RBFOX1: variants seen among roughly 807,000 people sequenced by gnomAD.
RBFOX1 encodes the protein RNA binding protein fox-1 homolog 1.
Under a neutral mutation model 57.7 loss-of-function variants are expected in RBFOX1, and 8 were observed. That is an observed-to-expected ratio of 0.14 (90% confidence interval 0.08 to 0.25). The LOEUF is 0.25. RBFOX1 is among the 10% of genes least tolerant of loss of function. The pLI, the probability that RBFOX1 is intolerant of heterozygous loss-of-function variation, is 1.00. For synonymous variants in RBFOX1, 326 were observed against 222.4 expected (o/e 1.47, Z -4.15); for missense variants, 611 against 548.5 (o/e 1.11, Z -1.14).
At chr16:5,681,132 G>A (rs2050319803) in intron 3 of RBFOX1, among the ~76,000 whole-genome samples, 1 of 151,938 alleles carries the variant, frequency 6.6e-6, no homozygotes, top group Non-Finnish European at 1.5e-5. Context: ...GGAGTGCAGT[G>A]GTGCGATCTC....
intron 2 of RBFOX1, among the ~76,000 whole-genome samples, chr16:6,443,455 C>T (rs1048083093): frequency 1.3e-5 from 2 of 152,146 alleles, no homozygotes; most frequent in African/African-American, 4.8e-5. Flanking sequence ...TTGATTTCTC[C>T]TTGTGAAGCA....
At chr16:7,447,401 C>G (rs931875234) in intron 4 of RBFOX1, among the ~76,000 whole-genome samples, 2 of 142,192 alleles carry the variant, frequency 1.4e-5, no homozygotes, top group Non-Finnish European at 3.0e-5. Context: ...CCACTGCACT[C>G]CAGGCTGGCC....
chr16:5,577,782 G>A (rs1351569645), intron 2 of RBFOX1, among the ~76,000 whole-genome samples: 1 of 152,200 alleles, frequency 6.6e-6, no homozygotes, highest in East Asian at 1.9e-4. Context: ...TTCACACCAG[G>A]CGGCATAATA....
At chr16:6,620,601 A>T (rs2098215361) in intron 2 of RBFOX1, among the ~76,000 whole-genome samples, 1 of 152,126 alleles carries the variant, frequency 6.6e-6, no homozygotes, top group African/African-American at 2.4e-5. Context: ...AAAACAAACG[A>T]TTAGCTAGAT....
chr16:6,678,290 A>T (rs1350873459), intron 3 of RBFOX1, among the ~76,000 whole-genome samples: 1 of 151,910 alleles, frequency 6.6e-6, no homozygotes, highest in Non-Finnish European at 1.5e-5. Flanking sequence ...ACACATGGCT[A>T]ATTTTTGTGT....
chr16:7,517,911 C>A (rs1265025038), intron 4 of RBFOX1, among the ~76,000 whole-genome samples: 3 of 151,582 alleles, frequency 2.0e-5, no homozygotes, highest in Non-Finnish European at 2.9e-5. Flanking sequence ...GCGACTTTAT[C>A]TTTATCTTTC....
intron 4 of RBFOX1, among the ~76,000 whole-genome samples, chr16:7,147,771 A>G (rs917720556): frequency 2.0e-5 from 3 of 152,194 alleles, no homozygotes; most frequent in Non-Finnish European, 4.4e-5. Flanking sequence ...ATAGAGCTGC[A>G]GTGAACATGT....
intron 1 of RBFOX1, among the ~76,000 whole-genome samples, chr16:5,435,164 C>G (rs974441925): frequency 5.9e-5 from 9 of 152,228 alleles, no homozygotes; most frequent in Admixed American, 4.6e-4. Context: ...TGATTCTTCC[C>G]TGTGGTTCCC....
At chr16:7,389,341 G>C (rs1440358997) in intron 4 of RBFOX1, among the ~76,000 whole-genome samples, 1 of 152,086 alleles carries the variant, frequency 6.6e-6, no homozygotes. Flanking sequence ...GCCCAGGCTG[G>C]TCTTAAACCC....
In RBFOX1 at chr16:5,247,115, A is replaced by C. The variant is rs1259522978; in HGVS notation, c.219+7010A>C. On this transcript the variant is annotated intron_variant, in intron 1 of 2. Transcript: ENST00000585867. ...AGGATTTCCTTCTTTTTGAAGGCTG[A>C]ATAGTATTCCATTGTGTACATACAC... Among the ~76,000 whole-genome samples, 7 of 152,310 alleles carry C rather than the reference A, an allele frequency of 4.6e-5. No individual in the cohort carries two copies. In the East Asian group the frequency reaches 1.3e-3, roughly 29 times the overall value.
At chr16:5,333,466 C>A (rs979610190) in intron 1 of RBFOX1, among the ~76,000 whole-genome samples, 1 of 152,104 alleles carries the variant, frequency 6.6e-6, no homozygotes, top group Non-Finnish European at 1.5e-5. Flanking sequence ...GTTTACAGAT[C>A]CCCCGATTAT....
intron 4 of RBFOX1, among the ~76,000 whole-genome samples, chr16:7,444,333 A>G (rs1288356136): frequency 2.0e-5 from 3 of 152,140 alleles, no homozygotes; most frequent in Non-Finnish European, 4.4e-5. Flanking sequence ...CATTGTCGTA[A>G]GATATACCTA....
At chr16:5,801,273 T>G (rs1272702634) in intron 3 of RBFOX1, among the ~76,000 whole-genome samples, 1 of 151,984 alleles carries the variant, frequency 6.6e-6, no homozygotes, top group Non-Finnish European at 1.5e-5. Context: ...TCTATCTAAT[T>G]TACATTAAGC....
At position 6,389,143 on chromosome 16, in the gene RBFOX1, C is replaced by G. The variant is rs753024609; in HGVS notation, c.-64+72086C>G. Among the ~76,000 whole-genome samples, 49 of 152,300 alleles carry G rather than the reference C, an allele frequency of 3.2e-4. 1 individual carries two copies. The highest frequency in any genetic ancestry group is 1.7e-3 in the Admixed American group (26 of 15,302). On this transcript the variant is annotated intron_variant, in intron 2 of 15. Transcript: ENST00000550418. ...TGGCAGGGGTGCTCATCAGTACGTTCAGTTCATGAGGAGGACTCAGATGAT... is the reference window on the plus strand; with the variant it reads ...TGGCAGGGGTGCTCATCAGTACGTTGAGTTCATGAGGAGGACTCAGATGAT...
intron 4 of RBFOX1, among the ~76,000 whole-genome samples, chr16:7,115,951 C>T (rs1428892864): frequency 6.6e-6 from 1 of 152,148 alleles, no homozygotes; most frequent in Non-Finnish European, 1.5e-5. Context: ...CATATTGTAT[C>T]AGCTGTGTAC....
chr16:6,822,813 C>A (rs142723157), intron 3 of RBFOX1, among the ~76,000 whole-genome samples: 45 of 152,258 alleles, frequency 3.0e-4, no homozygotes, highest in African/African-American at 1.1e-3. Flanking sequence ...CCAGGTTAAG[C>A]CTTTTGAGAG....
intron 2 of RBFOX1, among the ~76,000 whole-genome samples, chr16:6,352,586 C>A (rs1274531770): frequency 6.6e-6 from 1 of 152,112 alleles, no homozygotes; most frequent in African/African-American, 2.4e-5. Flanking sequence ...AAAAAACAAA[C>A]AAACAAAATC....
At chr16:6,901,235 C>G (rs1306960600) in intron 3 of RBFOX1, among the ~76,000 whole-genome samples, 3 of 152,180 alleles carry the variant, frequency 2.0e-5, no homozygotes, top group Non-Finnish European at 4.4e-5. Flanking sequence ...AAAGATCAGA[C>G]TTCATTCCAG....
In RBFOX1 at chr16:6,351,365, T is replaced by G. The variant is rs1387504026; in HGVS notation, c.-64+34308T>G. 6.9e-4 allele frequency among the ~76,000 whole-genome samples: 69 copies of G among 99,926 alleles called. 1 individual carries two copies. The highest frequency in any genetic ancestry group is 3.3e-3 in the African/African-American group (67 of 20,512). 65.6% of individuals were successfully genotyped at this position (99,926 alleles called of 152,430 possible). A position where few individuals can be genotyped will look rare whatever the true frequency, so the allele number is the denominator to read the frequency against. On this transcript the variant is annotated intron_variant, in intron 2 of 15. Coordinates refer to ENST00000550418, the MANE Select transcript of RBFOX1 (RefSeq NM_018723.4). ...GTGTGTGTGTGTGTATATATATATA[T>G]ATATATATTTTTTTTTTTTTTTCTT...
Sources: allele counts gnomAD v4.1 joint callset (sites outside exome capture counted in the v4.1 genomes callset), GRCh38; gene constraint gnomAD v4.1.1; transcripts MANE v1.5; gene names NCBI Gene and HGNC (gene_info 2026-07-23, HGNC 2026-07-21).